Variants in WDFY4 observed in about 807,000 individuals in gnomAD.
WDFY4 encodes the protein WD repeat- and FYVE domain-containing protein 4.
A neutral mutation model predicts 351.9 loss-of-function variants in WDFY4; 169 were observed. That is an observed-to-expected ratio of 0.48 (90% CI 0.42 to 0.55). WDFY4 has a LOEUF of 0.55. Ranked by LOEUF, WDFY4 falls within the 20% of genes least tolerant of loss-of-function variation. The pLI is 0.00. For synonymous variants in WDFY4, 1,622 were observed against 1,574.6 expected (o/e 1.03, Z -0.71); for missense variants, 3,803 against 3,935.6 (o/e 0.97, Z 0.90).
Position 48,776,803 on chromosome 10 carries a change from G to T in WDFY4, c.2917G>T (p.Ala973Ser), listed in dbSNP as rs886661333. 1.3e-6 allele frequency: 2 copies of T among 1,551,336 alleles called. No homozygotes were observed. Among genetic ancestry groups the T allele is most frequent in the African/African-American group, 1.4e-5 (1 of 73,176 alleles). ...GGGGCCCTGGCCAGCTGCCCCAGAT[G>T]CTGGGCTGCACCCTGGAGTCACACA... ...AEGPWPAAPD[A>S]GLHPGVTQAP... The change falls in exon 16 of 62, where the codon GCT (alanine) becomes TCT (serine). Residue 973 changes from alanine to serine, a missense_variant. By Grantham distance (99) the Ala-to-Ser change is moderately conservative. This residue lies in a region of WDFY4 where 3,054 missense variants were observed against 3,148.6 expected (regional missense o/e 0.97). Transcript: ENST00000325239.
At chr10:48,693,928 G>C (rs1037050961) in intron 1 of WDFY4, among the ~76,000 whole-genome samples, 12 of 152,204 alleles carry the variant, frequency 7.9e-5, no homozygotes, top group African/African-American at 2.9e-4. Context: ...TAGGTGGTTT[G>C]TGCCCTCACT....
intron 1 of WDFY4, among the ~76,000 whole-genome samples, chr10:48,694,310 G>T (rs1201152778): frequency 2.6e-5 from 4 of 152,126 alleles, no homozygotes; most frequent in Non-Finnish European, 4.4e-5. Context: ...ATCCCTCCTA[G>T]TTGGACAAAG....
chr10:48,775,611 T>A, intron 14 of WDFY4, 101 bp from the exon 15 acceptor site: 5 of 1,133,888 alleles, frequency 4.4e-6, no homozygotes, highest in Non-Finnish European at 6.4e-6. Flanking sequence ...GGCTGGGAGG[T>A]CAGGGAGCTC....
chr10:48,907,569 T>A (rs1234342523), intron 47 of WDFY4, among the ~76,000 whole-genome samples: 1 of 152,158 alleles, frequency 6.6e-6, no homozygotes, highest in Non-Finnish European at 1.5e-5. Context: ...ACAAATAACT[T>A]AAAAAACCTA....
chr10:48,966,493 C>A (rs1175340113), intron 54 of WDFY4, 33 bp from the exon 55 acceptor site: 1 of 1,540,268 alleles, frequency 6.5e-7, no homozygotes, highest in Non-Finnish European at 8.8e-7. Context: ...GGGCATCTCT[C>A]CCCTCATGTG....
At chr10:48,823,150 C>T (rs1356818060) in intron 35 of WDFY4, 2 of 1,300,208 alleles carry the variant, frequency 1.5e-6, no homozygotes, top group East Asian at 1.1e-4. Context: ...TCTCAAAATT[C>T]CAGCATTGAA....
chr10:48,709,204 G>A lies in WDFY4; in HGVS notation c.-17-512G>A, dbSNP rs1463535408. On this transcript the variant is annotated intron_variant, in intron 1 of 61. Coordinates refer to ENST00000325239, the MANE Select transcript of WDFY4 (RefSeq NM_001394531.1). ...GGGTGGATCATGAGGTCAGGAGATC[G>A]AGACCATCCTGGCTAACAAGGTGAA... 3.8e-3 allele frequency among the ~76,000 whole-genome samples: 2 copies of A among 528 alleles called. 1 individual carries two copies. Among genetic ancestry groups the A allele is most frequent in the African/African-American group, 4.0e-3 (2 of 498 alleles). 0.3% of individuals were successfully genotyped at this position (528 alleles called of 152,430 possible).
intron 27 of WDFY4, 90 bp downstream of exon 27, chr10:48,806,185 A>C: frequency 3.9e-6 from 5 of 1,287,718 alleles, no homozygotes; most frequent in Non-Finnish European, 5.5e-6. Flanking sequence ...GGGGCTAAGT[A>C]AGGAAGGGGA....
At chr10:48,806,902 G>A (rs372266601) in intron 27 of WDFY4, among the ~76,000 whole-genome samples, 3 of 152,162 alleles carry the variant, frequency 2.0e-5, no homozygotes, top group Admixed American at 1.3e-4. Flanking sequence ...TGAGGCTAGC[G>A]GCTACTCTAT....
Position 48,781,041 on chromosome 10 carries a change from C to A in WDFY4, c.3576+922C>A, listed in dbSNP as rs142536673. On this transcript the variant is annotated intron_variant, in intron 19 of 61. Coordinates refer to ENST00000325239, the MANE Select transcript of WDFY4 (RefSeq NM_001394531.1). ...CTCCCCTGACCTTGCCCAGTTGTGA[C>A]CACCAGTAACATCTCCAGACATTTC... Among the ~76,000 whole-genome samples the A allele has an allele frequency of 1.6e-3, 247 of 152,294 alleles. No individual in the cohort carries two copies. In the Middle Eastern group the frequency reaches 0.017, roughly 10 times the overall value.
chr10:48,727,705 C>T, intron 7 of WDFY4, 46 bp downstream of exon 7: 2 of 1,540,716 alleles, frequency 1.3e-6, no homozygotes, highest in Non-Finnish European at 1.8e-6. Context: ...ACCACCAAAG[C>T]CTTAGTCCTC....
chr10:48,975,571 A>G (rs117196186), intron 58 of WDFY4, among the ~76,000 whole-genome samples: 1 of 152,228 alleles, frequency 6.6e-6, no homozygotes, highest in African/African-American at 2.4e-5. Flanking sequence ...GGCCCAGGGC[A>G]TAAATAAAAT....
At chr10:48,744,985 C>G (rs996257438) in intron 12 of WDFY4, among the ~76,000 whole-genome samples, 1 of 152,130 alleles carries the variant, frequency 6.6e-6, no homozygotes, top group Non-Finnish European at 1.5e-5. Context: ...GCCCTATGAA[C>G]CAACTTTGAC....
intron 12 of WDFY4, among the ~76,000 whole-genome samples, chr10:48,752,481 C>G (rs1309542178): frequency 6.6e-6 from 1 of 152,222 alleles, no homozygotes; most frequent in Non-Finnish European, 1.5e-5. Flanking sequence ...TGTGCAAAGA[C>G]CACCTCTATC....
intron 11 of WDFY4, among the ~76,000 whole-genome samples, chr10:48,741,383 G>A (rs1178689659): frequency 6.8e-6 from 1 of 146,288 alleles, no homozygotes; most frequent in Non-Finnish European, 1.5e-5. Context: ...AACTGGGGAG[G>A]CAGAGGTTAC....
At position 48,736,320 on chromosome 10, in the gene WDFY4, C is replaced by T. The variant is rs944202574; in HGVS notation, c.1878+250C>T. On this transcript the variant is annotated intron_variant, in intron 11 of 61. Coordinates refer to ENST00000325239, the MANE Select transcript of WDFY4 (RefSeq NM_001394531.1). ...GACTGTCATTAAGGAACTACCATCA[C>T]CTGGGCATCTAACTTGGCCAGCAGA... is the stretch of plus-strand genomic sequence containing the variant. 1.5e-5 allele frequency: 9 copies of T among 607,074 alleles called. No homozygotes were observed. The African/African-American group carries it at 1.7e-4, about 11-fold the overall frequency. 37.6% of individuals were successfully genotyped at this position (607,074 alleles called of 1,614,324 possible).
intron 44 of WDFY4, among the ~76,000 whole-genome samples, chr10:48,893,029 A>G (rs1421276605): frequency 2.0e-5 from 3 of 152,254 alleles, no homozygotes; most frequent in East Asian, 1.9e-4. Context: ...ATAGTCCTAG[A>G]GGCTGGCAGC....
chr10:48,942,494 G>A (rs1228058809), intron 48 of WDFY4, among the ~76,000 whole-genome samples: 1 of 152,214 alleles, frequency 6.6e-6, no homozygotes, highest in African/African-American at 2.4e-5. Flanking sequence ...CCACATAGGG[G>A]GCAGAGCATG....
rs1048672483 is a variant in WDFY4 at position 48,817,331 on chromosome 10, C to T, written c.5427C>T (p.Tyr1809=). ...TCCTCAGCCTCGTCCACCGCACCTA[C>T]CCCCAGGACCCAGCGTGGCGAGCCC... is the stretch of plus-strand genomic sequence containing the variant. ...LQFLSLVHRT[Y]PQDPAWRAPE... Residue 1809 remains tyrosine, a synonymous_variant, in exon 32 of 62, where the codon TAC becomes TAT. Transcript: ENST00000325239. 1 of 1,551,644 alleles carries T rather than the reference C, an allele frequency of 6.4e-7. No individual in the cohort carries two copies.
Sources: allele counts gnomAD v4.1 joint callset (sites outside exome capture counted in the v4.1 genomes callset), GRCh38; gene constraint gnomAD v4.1.1; regional missense constraint gnomAD v4.1.1; transcripts MANE v1.5; gene names NCBI Gene and HGNC (gene_info 2026-07-23, HGNC 2026-07-21).